RTN4RL1: variants seen among roughly 807,000 people sequenced by gnomAD.
RTN4RL1 encodes the protein reticulon-4 receptor-like 1.
In RTN4RL1, 7 loss-of-function variants were observed where a neutral mutation model predicts 25.6. The ratio of observed to expected loss-of-function variants is 0.27; its 90% CI spans 0.16 to 0.51. RTN4RL1 has a LOEUF of 0.51. Ranked by LOEUF, RTN4RL1 falls within the 20% of genes least tolerant of loss-of-function variation. The probability of loss-of-function intolerance (pLI) is 0.97; values close to 1 mark genes in which losing one functional copy is unlikely to be tolerated. For missense variants in RTN4RL1, 500 were observed against 615.6 expected, an observed-to-expected ratio of 0.81 and a Z score of 1.99; for synonymous variants, 297 against 288.2, an observed-to-expected ratio of 1.03 and a Z score of -0.31.
chr17:1,963,173 G>A (rs2066773737), intron 1 of RTN4RL1, among the ~76,000 whole-genome samples: 1 of 152,170 alleles, frequency 6.6e-6, no homozygotes, highest in African/African-American at 2.4e-5. Flanking sequence ...GCAGAGCTGG[G>A]ATGGACCTGG....
intron 1 of RTN4RL1, among the ~76,000 whole-genome samples, chr17:2,010,483 T>C (rs1412006463): frequency 2.0e-5 from 3 of 151,782 alleles, no homozygotes; most frequent in Non-Finnish European, 4.4e-5. Flanking sequence ...TCTCAATATA[T>C]ATATAGTTGT....
chr17:1,957,354 C>G (rs947534657), intron 1 of RTN4RL1, among the ~76,000 whole-genome samples: 6 of 152,138 alleles, frequency 3.9e-5, no homozygotes, highest in Non-Finnish European at 8.8e-5. Flanking sequence ...TAAAACAGAC[C>G]AGGCCCGTGA....
At chr17:1,989,405 G>C (rs959895816) in intron 1 of RTN4RL1, among the ~76,000 whole-genome samples, 1 of 151,098 alleles carries the variant, frequency 6.6e-6, no homozygotes, top group Non-Finnish European at 1.5e-5. Context: ...GCAAATAAAT[G>C]CTTCCTCATC....
chr17:2,018,485 G>A (rs966415946), intron 1 of RTN4RL1, among the ~76,000 whole-genome samples: 5 of 152,178 alleles, frequency 3.3e-5, no homozygotes, highest in South Asian at 2.1e-4. Flanking sequence ...CTGAGGAACC[G>A]CAGAGGGGAG....
At chr17:1,964,386 G>A (rs1022286780) in intron 1 of RTN4RL1, among the ~76,000 whole-genome samples, 9 of 152,078 alleles carry the variant, frequency 5.9e-5, no homozygotes, top group African/African-American at 1.9e-4. Context: ...CCAGGAGTTC[G>A]AGACCAGCCT....
chr17:1,940,874 T>C (rs62067548), intron 1 of RTN4RL1, among the ~76,000 whole-genome samples: 6,360 of 152,300 alleles, frequency 0.042, 207 homozygotes, highest in Non-Finnish European at 0.063. Context: ...TGGTGTTCAC[T>C]GCTTCTCATC....
chr17:1,937,413 G>A lies in RTN4RL1; in HGVS notation c.409C>T (p.Leu137Phe). The change falls in exon 2 of 2, where the codon CTC (leucine) becomes TTC (phenylalanine). Residue 137 changes from leucine to phenylalanine, a missense_variant. By Grantham distance (22) the Leu-to-Phe change is conservative. Coordinates refer to ENST00000331238, the MANE Select transcript of RTN4RL1 (RefSeq NM_178568.4). ...LHALYLYKCG[L>F]SALPAGVFGG... is the part of the protein sequence containing the mutation. Reference sequence around the variant, plus strand: ...AAGACGCCGGCCGGCAAGGCGCTGAGCCCACACTTGTAGAGGTAGAGGGCG... The same window carrying A: ...AAGACGCCGGCCGGCAAGGCGCTGAACCCACACTTGTAGAGGTAGAGGGCG... The A allele has an allele frequency of 6.2e-7, 1 of 1,613,816 alleles. No individual in the cohort carries two copies. The highest frequency in any genetic ancestry group is 2.2e-5 in the East Asian group (1 of 44,870).
chr17:1,971,915 T>C (rs9907634), intron 1 of RTN4RL1, among the ~76,000 whole-genome samples: 82,408 of 142,100 alleles, frequency 0.58, 23,932 homozygotes, highest in Admixed American at 0.71. Context: ...TGAGCCGAGA[T>C]TGCGCCACTG....
Position 2,009,894 on chromosome 17 carries a change from G to A in RTN4RL1, c.13+14959C>T, listed in dbSNP as rs550161558. Among the ~76,000 whole-genome samples, 2 of 128,778 alleles carry A rather than the reference G, an allele frequency of 1.6e-5. 1 individual carries two copies. The highest frequency in any genetic ancestry group is 5.9e-4 in the East Asian group (2 of 3,412). 84.5% of individuals were successfully genotyped at this position (128,778 alleles called of 152,430 possible). On this transcript the variant is annotated intron_variant, in intron 1 of 1. Transcript: ENST00000331238. Reference sequence around the variant, plus strand: ...CGGCCCTGTCCACAGCCCCAGCCACGGAGACAGCCAGGTACTGTAGCAAGC... The same window carrying A: ...CGGCCCTGTCCACAGCCCCAGCCACAGAGACAGCCAGGTACTGTAGCAAGC...
chr17:1,936,851 G>T lies in RTN4RL1; in HGVS notation c.971C>A (p.Ala324Asp). 6.3e-7 allele frequency: 1 copy of T among 1,588,158 alleles called. No individual in the cohort carries two copies. Among genetic ancestry groups the T allele is most frequent in the African/African-American group, 1.3e-5 (1 of 74,150 alleles). Residue 324 changes from alanine (A) to aspartate (D), a missense_variant, in exon 2 of 2, where the codon GCC becomes GAC. Ala to Asp is a moderately radical substitution (Grantham distance 126, BLOSUM62 -2). Around this residue, in one of 2 missense-constraint regions of RTN4RL1, gnomAD observed 268 missense variants for 274.5 expected, o/e 0.98. Coordinates refer to ENST00000331238, the MANE Select transcript of RTN4RL1 (RefSeq NM_178568.4). Reference sequence around the variant, plus strand: ...GGGTGAGTGGTGTTCCTTGCGGGCGGCCCTGTCGGTGGTGGTGAGCGTGTG... The same window carrying T: ...GGGTGAGTGGTGTTCCTTGCGGGCGTCCCTGTCGGTGGTGGTGAGCGTGTG... ...KSHTLTTTDR[A>D]ARKEHHSPHG...
intron 1 of RTN4RL1, among the ~76,000 whole-genome samples, chr17:1,974,544 C>T (rs1413370222): frequency 6.6e-6 from 1 of 152,044 alleles, no homozygotes; most frequent in African/African-American, 2.4e-5. Context: ...TGGGTGGGGC[C>T]TAGGGCATCC....
chr17:2,003,802 G>A (rs2066974871), intron 1 of RTN4RL1: 2 of 152,430 alleles, frequency 1.3e-5, no homozygotes, highest in Admixed American at 1.3e-4. Context: ...CGGGCGCGGT[G>A]GCTCATGCCT....
rs2066938672 is a variant in RTN4RL1, at chr17:1,998,213, G to A, written c.13+26640C>T. On this transcript the variant is annotated intron_variant, in intron 1 of 1. Coordinates refer to ENST00000331238, the MANE Select transcript of RTN4RL1 (RefSeq NM_178568.4). The surrounding 1 kb of genome is among the most constrained non-coding windows in gnomAD (Gnocchi z 4.9). The stretch of plus-strand genomic sequence containing the variant: ...TGTTTTGTTTGGCCTTTGGGGGAGG[G>A]GCGGGGAGGGCTGTCGCATTGATCC... Among the ~76,000 whole-genome samples, 1 of 152,172 alleles carries A rather than the reference G, an allele frequency of 6.6e-6. No homozygotes were observed. Among genetic ancestry groups the A allele is most frequent in the African/African-American group, 2.4e-5 (1 of 41,456 alleles).
chr17:2,005,922 G>A (rs1374469287), intron 1 of RTN4RL1, among the ~76,000 whole-genome samples: 2 of 146,028 alleles, frequency 1.4e-5, no homozygotes, highest in Admixed American at 6.8e-5. Flanking sequence ...TCAGCCTCCC[G>A]AGTACCTGGG....
intron 1 of RTN4RL1, among the ~76,000 whole-genome samples, chr17:1,981,184 C>T (rs1451736351): frequency 2.0e-5 from 3 of 151,728 alleles, no homozygotes; most frequent in Admixed American, 6.6e-5. Flanking sequence ...AGTTCAAGAC[C>T]AGCCTGGACA....
chr17:1,958,741 G>C (rs1243285140), intron 1 of RTN4RL1, among the ~76,000 whole-genome samples: 1 of 152,254 alleles, frequency 6.6e-6, no homozygotes, highest in Non-Finnish European at 1.5e-5. Flanking sequence ...GCCAGATCAA[G>C]CCTGCTTAGC....
At chr17:1,980,230 A>ATT (rs34130716) in intron 1 of RTN4RL1, among the ~76,000 whole-genome samples, 2,748 of 126,362 alleles carry the variant, frequency 0.022, 43 homozygotes, top group African/African-American at 0.027. Flanking sequence ...CGCTCAGCTA[A>ATT]TTTTTTTTTT....
chr17:1,989,542 C>T (rs1440967742), intron 1 of RTN4RL1, among the ~76,000 whole-genome samples: 1 of 151,978 alleles, frequency 6.6e-6, no homozygotes, highest in Non-Finnish European at 1.5e-5. Flanking sequence ...GAACAGAAAG[C>T]CGGGGAGTGG....
intron 1 of RTN4RL1, among the ~76,000 whole-genome samples, chr17:1,939,802 G>A (rs1037732846): frequency 2.0e-5 from 3 of 152,146 alleles, no homozygotes; most frequent in Non-Finnish European, 4.4e-5. Flanking sequence ...CAGGCGCGCC[G>A]AGGTTGGGGG....
Sources: gnomAD v4.1 joint callset for allele counts (sites outside exome capture counted in the v4.1 genomes callset) on GRCh38, gnomAD v4.1.1 for gene constraint, gnomAD v4.1.1 regional missense constraint, Gnocchi (gnomAD v3.1) non-coding constraint, MANE v1.5 for transcripts, NCBI Gene and HGNC (gene_info 2026-07-23, HGNC 2026-07-21) for gene names.